The following DMD variants were observed in gnomAD, a reference collection of about 807,000 sequenced individuals.
The protein encoded by DMD is dystrophin.
In DMD, 63 loss-of-function variants were observed where a neutral mutation model predicts 330.1. That is an observed-to-expected ratio of 0.19 (90% CI 0.16 to 0.24). The LOEUF (loss-of-function observed/expected upper bound fraction) is 0.24, where lower values mean the gene tolerates loss of function less well. Ranked by LOEUF, DMD falls within the 10% of genes least tolerant of loss-of-function variation. The pLI is 1.00. For synonymous variants in DMD, 1,223 were observed against 959.8 expected, an observed-to-expected ratio of 1.27 and a Z score of -5.07; for missense variants, 3,344 against 2,684.1, an observed-to-expected ratio of 1.25 and a Z score of -5.43.
At chrX:33,061,195 G>T (rs547965537) in intron 1 of DMD, among the ~76,000 whole-genome samples, 3 of 112,162 alleles carry the variant, frequency 2.7e-5, no homozygotes, top group African/African-American at 9.7e-5. Context: ...CTCTTGTTAC[G>T]TTATTCTCTT....
intron 47 of DMD, among the ~76,000 whole-genome samples, chrX:31,885,628 A>AGG (rs1569497264): frequency 1.1e-4 from 8 of 75,719 alleles, no homozygotes; most frequent in African/African-American, 3.9e-4. Flanking sequence ...AAAAAAAAAA[A>AGG]AAAAAAAAAG....
At chrX:32,635,054 T>A (rs1301707276) in intron 11 of DMD, among the ~76,000 whole-genome samples, 1 of 112,005 alleles carries the variant, frequency 8.9e-6, no homozygotes, top group Non-Finnish European at 1.9e-5. Context: ...TGTCTAGGGT[T>A]CATCTAAATG....
At chrX:31,596,067 T>C (rs2077098000) in intron 55 of DMD, among the ~76,000 whole-genome samples, 1 of 111,538 alleles carries the variant, frequency 9.0e-6, no homozygotes, top group Non-Finnish European at 1.9e-5. Context: ...AAAGCTCAAA[T>C]CACAAAAGTA....
At chrX:32,624,842 T>C (rs898815560) in intron 11 of DMD, among the ~76,000 whole-genome samples, 2 of 112,229 alleles carry the variant, frequency 1.8e-5, no homozygotes, top group East Asian at 5.6e-4. Flanking sequence ...AGGAATTCAA[T>C]GGGAATGCCA....
chrX:32,403,617 C>T, intron 30 of DMD, among the ~76,000 whole-genome samples: 1 of 111,426 alleles, frequency 9.0e-6, no homozygotes, highest in African/African-American at 3.3e-5. Context: ...TGACTGTTTC[C>T]CACACTATTA....
intron 2 of DMD, among the ~76,000 whole-genome samples, chrX:32,966,048 A>T (rs1417251941): frequency 8.9e-6 from 1 of 112,271 alleles, no homozygotes; most frequent in Admixed American, 9.5e-5. Context: ...AAAGTATCTA[A>T]GATTCAGAGT....
chrX:32,785,052 G>C (rs763882819), intron 7 of DMD, among the ~76,000 whole-genome samples: 22 of 110,238 alleles, frequency 2.0e-4, no homozygotes, highest in Non-Finnish European at 2.9e-4. Context: ...TGCTTATGTA[G>C]CATCTGAAAG....
intron 26 of DMD, among the ~76,000 whole-genome samples, chrX:32,451,342 C>G (rs1331329450): frequency 9.1e-6 from 1 of 110,441 alleles, no homozygotes; most frequent in Non-Finnish European, 1.9e-5. Context: ...ATTTACTATT[C>G]TCACTTTATG....
intron 55 of DMD, among the ~76,000 whole-genome samples, chrX:31,625,515 C>T (rs915288526): frequency 8.9e-6 from 1 of 111,973 alleles, no homozygotes. Context: ...TTTGGTTAAG[C>T]CACTGGACAA....
At chrX:32,977,716 T>C (rs2147187982) in intron 2 of DMD, among the ~76,000 whole-genome samples, 1 of 110,175 alleles carries the variant, frequency 9.1e-6, no homozygotes. Flanking sequence ...ATGTGTGATA[T>C]ATATATATAT....
intron 7 of DMD, among the ~76,000 whole-genome samples, chrX:32,780,435 G>A (rs59113767): frequency 0.018 from 2,017 of 112,034 alleles, 51 homozygotes; most frequent in African/African-American, 0.062. Context: ...ACATATTTCT[G>A]AGAACCTTCT....
At chrX:33,214,811 A>G (rs1270558562), upstream of DMD, among the ~76,000 whole-genome samples, 1 of 110,921 alleles carries the variant, frequency 9.0e-6, no homozygotes, top group Non-Finnish European at 1.9e-5. Context: ...ATGCCACCAT[A>G]TTCAGCTAAT....
intron 23 of DMD, among the ~76,000 whole-genome samples, chrX:32,465,397 A>C (rs998582003): frequency 1.8e-5 from 2 of 110,902 alleles, no homozygotes; most frequent in Non-Finnish European, 3.8e-5. Context: ...ACTTAAATTT[A>C]CATTGAAAAT....
intron 44 of DMD, among the ~76,000 whole-genome samples, chrX:32,044,243 AT>A (rs2096038062): frequency 9.0e-6 from 1 of 110,783 alleles, no homozygotes; most frequent in African/African-American, 3.3e-5. Context: ...CACCAAACAT[AT>A]AATCAGAAAA....
At chrX:31,483,342 G>A (rs372317984) in intron 57 of DMD, among the ~76,000 whole-genome samples, 30 of 111,543 alleles carry the variant, frequency 2.7e-4, no homozygotes, top group Non-Finnish European at 5.3e-4. Context: ...CACCACGCCC[G>A]GCCGGAAATG....
intron 44 of DMD, among the ~76,000 whole-genome samples, chrX:32,040,263 T>C (rs2095989199): frequency 1.8e-5 from 2 of 111,261 alleles, no homozygotes; most frequent in Non-Finnish European, 3.8e-5. Flanking sequence ...CGTGTGTGTG[T>C]ATATGTGTGT....
intron 45 of DMD, among the ~76,000 whole-genome samples, chrX:31,961,747 T>TTTTTG (rs2095306907): frequency 1.0e-5 from 1 of 96,763 alleles, no homozygotes; most frequent in Admixed American, 1.1e-4. Context: ...GCGGTTTTTT[T>TTTTTG]TTTTTTTTGT....
At chrX:31,170,745 A>G (rs757399228) in intron 73 of DMD, among the ~76,000 whole-genome samples, 2 of 111,719 alleles carry the variant, frequency 1.8e-5, no homozygotes, top group South Asian at 7.6e-4. Context: ...ACTTCCCCAA[A>G]CCTGCCCCTA....
intron 1 of DMD, among the ~76,000 whole-genome samples, chrX:33,184,529 G>C (rs962208055): frequency 9.1e-6 from 1 of 110,380 alleles, no homozygotes; most frequent in Non-Finnish European, 1.9e-5. Flanking sequence ...TTTAAATTGT[G>C]TGCAATAATT....
Sources: allele counts gnomAD v4.1 joint callset (sites outside exome capture counted in the v4.1 genomes callset), GRCh38; gene constraint gnomAD v4.1.1; transcripts MANE v1.5; gene names NCBI Gene and HGNC (gene_info 2026-07-23, HGNC 2026-07-21).